CWC27: variants seen among roughly 807,000 people sequenced by gnomAD.
CWC27 encodes the protein spliceosome-associated protein CWC27 homolog.
Under a neutral mutation model 63.6 loss-of-function variants are expected in CWC27, and 47 were observed. The observed-to-expected ratio is 0.74, with a 90% confidence interval of 0.58 to 0.94. CWC27 has a LOEUF of 0.94. CWC27 is among the 40% of genes least tolerant of loss of function. The pLI, the probability that CWC27 is intolerant of heterozygous loss-of-function variation, is 0.00. For missense variants in CWC27, 495 were observed against 554.3 expected, an observed-to-expected ratio of 0.89 and a Z score of 1.07; for synonymous variants, 175 against 179.8, an observed-to-expected ratio of 0.97 and a Z score of 0.22.
intron 10 of CWC27, among the ~76,000 whole-genome samples, chr5:64,851,662 T>G (rs138160771): frequency 6.6e-6 from 1 of 152,262 alleles, no homozygotes; most frequent in East Asian, 1.9e-4. Context: ...ACTCCAAAAA[T>G]TTATACAATT....
chr5:64,973,138 A>C lies in CWC27; in HGVS notation c.1152+1326A>C, dbSNP rs76553625. ...AAAGAACTAAAAGATATTAAATATGATTGTAACATAAACTAAGAGAAGGAG... is the reference window on the plus strand; with the variant it reads ...AAAGAACTAAAAGATATTAAATATGCTTGTAACATAAACTAAGAGAAGGAG... On this transcript the variant is annotated intron_variant, in intron 12 of 13. Transcript: ENST00000381070. Among the ~76,000 whole-genome samples, 116 of 152,314 alleles carry C rather than the reference A, an allele frequency of 7.6e-4. 1 individual carries two copies. The East Asian group carries it at 0.019, about 25-fold the overall frequency.
intron 10 of CWC27, among the ~76,000 whole-genome samples, chr5:64,873,072 G>C (rs1182630691): frequency 6.6e-6 from 1 of 152,084 alleles, no homozygotes; most frequent in Non-Finnish European, 1.5e-5. Flanking sequence ...TAAGGCAATA[G>C]AGCAGAAAGA....
At chr5:64,955,188 T>A (rs1443663438) in intron 11 of CWC27, among the ~76,000 whole-genome samples, 3 of 152,186 alleles carry the variant, frequency 2.0e-5, no homozygotes, top group Non-Finnish European at 4.4e-5. Flanking sequence ...TTGTATTCAC[T>A]GCCAAATAAT....
chr5:64,823,378 T>C (rs547016101), intron 10 of CWC27, among the ~76,000 whole-genome samples: 234 of 152,338 alleles, frequency 1.5e-3, no homozygotes, highest in African/African-American at 5.3e-3. Context: ...TTATTAAGCC[T>C]ATATGGCAAC....
intron 10 of CWC27, among the ~76,000 whole-genome samples, chr5:64,833,028 T>G (rs1464304248): frequency 2.0e-5 from 3 of 151,832 alleles, no homozygotes; most frequent in African/African-American, 7.2e-5. Context: ...TTTTCTCGTT[T>G]GTAAAGTGAA....
intron 11 of CWC27, among the ~76,000 whole-genome samples, chr5:64,965,937 A>G (rs1326961842): frequency 6.6e-6 from 1 of 152,204 alleles, no homozygotes; most frequent in Non-Finnish European, 1.5e-5. Flanking sequence ...AAATACATTC[A>G]GGAGGATTTG....
At chr5:64,858,100 T>G (rs1330254113) in intron 10 of CWC27, among the ~76,000 whole-genome samples, 3 of 106,380 alleles carry the variant, frequency 2.8e-5, no homozygotes, top group Admixed American at 1.4e-4. Flanking sequence ...ATCGCGCCAC[T>G]GCACTCCAGC....
chr5:64,888,251 AAAT>A (rs918367615), intron 11 of CWC27, among the ~76,000 whole-genome samples: 1 of 149,192 alleles, frequency 6.7e-6, no homozygotes, highest in East Asian at 1.9e-4. Flanking sequence ...TGAAAAAAAT[AAAT>A]AATAATAGTT....
At chr5:64,946,935 C>T (rs553140697) in intron 11 of CWC27, among the ~76,000 whole-genome samples, 40 of 152,228 alleles carry the variant, frequency 2.6e-4, no homozygotes, top group South Asian at 6.2e-4. Context: ...AACCAGAGCT[C>T]AGCTCAGCCT....
chr5:64,998,658 G>C (rs1410686454), intron 13 of CWC27, among the ~76,000 whole-genome samples: 1 of 152,072 alleles, frequency 6.6e-6, no homozygotes, highest in East Asian at 1.9e-4. Flanking sequence ...TTAAAGTTCA[G>C]AAACAGGAGA....
rs903337582 is a variant in CWC27, at chr5:64,783,305, A to G, written c.253-531A>G. Among the ~76,000 whole-genome samples the G allele has an allele frequency of 2.0e-5, 3 of 152,232 alleles. 1 individual carries two copies. The highest frequency in any genetic ancestry group is 2.0e-4 in the Admixed American group (3 of 15,280). Reference sequence around the variant, plus strand: ...TGTTCCTGCTCTTTTGAAAACTGGCAAATAGAATCAGTGCCATTTCAGAGA... The same window carrying G: ...TGTTCCTGCTCTTTTGAAAACTGGCGAATAGAATCAGTGCCATTTCAGAGA... On this transcript the variant is annotated intron_variant, in intron 3 of 13. Transcript: ENST00000381070.
intron 11 of CWC27, among the ~76,000 whole-genome samples, chr5:64,926,929 T>G (rs543221916): frequency 6.6e-6 from 1 of 152,334 alleles, no homozygotes; most frequent in South Asian, 2.1e-4. Flanking sequence ...GTTTGTTCTA[T>G]TAGGTGGTTG....
intron 2 of CWC27, among the ~76,000 whole-genome samples, chr5:64,779,573 A>T (rs1428887849): frequency 6.6e-6 from 1 of 152,230 alleles, no homozygotes; most frequent in Non-Finnish European, 1.5e-5. Context: ...GTACAGTTCA[A>T]CATCATTTAG....
At chr5:64,850,459 C>G (rs556954839) in intron 10 of CWC27, among the ~76,000 whole-genome samples, 1 of 152,162 alleles carries the variant, frequency 6.6e-6, no homozygotes, top group African/African-American at 2.4e-5. Context: ...AGACCAGAAA[C>G]TGTAAATCTG....
At chr5:64,981,756 T>C (rs1749334481) in intron 13 of CWC27, among the ~76,000 whole-genome samples, 1 of 152,262 alleles carries the variant, frequency 6.6e-6, no homozygotes, top group Non-Finnish European at 1.5e-5. Flanking sequence ...ATGCTTTGCC[T>C]TCTTAAATTT....
At chr5:65,015,191 T>A (rs1328710047) in intron 13 of CWC27, among the ~76,000 whole-genome samples, 1 of 152,196 alleles carries the variant, frequency 6.6e-6, no homozygotes, top group Non-Finnish European at 1.5e-5. Context: ...TGCAAGATTC[T>A]CTCATGGCAT....
intron 10 of CWC27, among the ~76,000 whole-genome samples, chr5:64,822,790 T>G (rs1745242184): frequency 6.6e-6 from 1 of 152,190 alleles, no homozygotes; most frequent in Admixed American, 6.5e-5. Flanking sequence ...ATTTCTGCAT[T>G]TTTGGAAAAG....
chr5:64,896,981 G>A (rs1747392026), intron 11 of CWC27, among the ~76,000 whole-genome samples: 1 of 152,184 alleles, frequency 6.6e-6, no homozygotes, highest in Non-Finnish European at 1.5e-5. Context: ...GGAGGCTGAG[G>A]TGGGTGGATT....
intron 10 of CWC27, among the ~76,000 whole-genome samples, chr5:64,840,382 AAAAAAAAAAAAAATATATATATATATAT>A (rs1387701430): frequency 5.8e-5 from 4 of 69,510 alleles, no homozygotes; most frequent in African/African-American, 2.0e-4. Context: ...AAAAAAAAAA[AAAAAAAAAAAAAATATATATATATATAT>A]ATATATATAT....
Sources: gnomAD v4.1 joint callset for allele counts (sites outside exome capture counted in the v4.1 genomes callset) on GRCh38, gnomAD v4.1.1 for gene constraint, MANE v1.5 for transcripts, NCBI Gene and HGNC (gene_info 2026-07-23, HGNC 2026-07-21) for gene names.